Variants in GRSF1 observed in about 807,000 individuals in gnomAD.
The protein encoded by GRSF1 is G-rich sequence factor 1.
GRSF1 carries 50 observed loss-of-function variants against 51.1 expected under a neutral mutation model. The observed-to-expected ratio is 0.98, with a 90% CI of 0.78 to 1.24. The LOEUF is 1.24. Among genes scored for constraint, GRSF1 ranks in the 50% most tolerant of loss-of-function variants. The pLI is 0.00. For synonymous variants in GRSF1, 293 were observed against 253.3 expected (o/e 1.16, Z -1.49); for missense variants, 700 against 639.7 (o/e 1.09, Z -1.02).
rs549606287 is a variant in GRSF1, at chr4:70,839,521, G to A, written c.307C>T (p.Pro103Ser). Residue 103 changes from proline to serine, a missense_variant, in exon 1 of 10, where the codon CCG (proline) becomes TCG (serine). Physicochemically the swap from Pro to Ser is moderately conservative, Grantham distance 74. Coordinates refer to ENST00000254799, the MANE Select transcript of GRSF1 (RefSeq NM_002092.4). ...SYSALRASLL[P>S]QSLAAAAAVP... ...GCGGCCGCCGCCGCCAGCGACTGCG[G>A]CAGCAGAGAGGCACGGAGGGCAGAG... The A allele has an allele frequency of 5.9e-5, 85 of 1,443,822 alleles. No homozygotes were observed. The African/African-American group carries it at 1.2e-3, about 20-fold the overall frequency. The allele number at this position is 1,443,822 out of a possible 1,614,324, so 89.4% of individuals were successfully genotyped here.
chr4:70,841,086 A>G (rs1281897930), upstream of GRSF1, among the ~76,000 whole-genome samples: 1 of 152,108 alleles, frequency 6.6e-6, no homozygotes, highest in Non-Finnish European at 1.5e-5. Flanking sequence ...ACTGGAGCCC[A>G]AGAGTTCCAG....
upstream of GRSF1, among the ~76,000 whole-genome samples, chr4:70,841,135 AAAATAAAT>A (rs1734446785): frequency 6.6e-6 from 1 of 152,088 alleles, no homozygotes; most frequent in Non-Finnish European, 1.5e-5. Flanking sequence ...GTCTATACAA[AAAATAAAT>A]AAAGCTGGGT....
chr4:70,824,603 G>A (rs573696907), intron 8 of GRSF1, among the ~76,000 whole-genome samples: 74 of 152,220 alleles, frequency 4.9e-4, no homozygotes, highest in African/African-American at 1.5e-3. Context: ...GGCCAATGTA[G>A]CGAAACCCCA....
At chr4:70,825,264 A>G in intron 8 of GRSF1, 32 bp downstream of exon 8, 1 of 1,548,842 alleles carries the variant, frequency 6.5e-7, no homozygotes, top group Non-Finnish European at 8.8e-7. Flanking sequence ...CAAGCATCAA[A>G]AATGACAACA....
Position 70,839,861 on chromosome 4 carries a change from C to T in GRSF1, c.-34G>A, listed in dbSNP as rs764947828. 13 of 1,452,146 alleles carry T rather than the reference C, an allele frequency of 9.0e-6. No homozygotes were observed. The highest frequency in any genetic ancestry group is 1.2e-5 in the Non-Finnish European group (13 of 1,111,280). The allele number at this position is 1,452,146 out of a possible 1,614,324, so 90.0% of individuals were successfully genotyped here. On this transcript the variant is annotated 5_prime_UTR_variant, in exon 1 of 10. Transcript: ENST00000254799. ...GAGGCGGCGCAGGGCCTGAAGGCAGCTGCTCCAGCAGCGATGGTGGAACGG... is the reference window on the plus strand; with the variant it reads ...GAGGCGGCGCAGGGCCTGAAGGCAGTTGCTCCAGCAGCGATGGTGGAACGG...
chr4:70,826,280 A>G, intron 6 of GRSF1, 35 bp from the exon 7 acceptor site: 1 of 1,563,200 alleles, frequency 6.4e-7, no homozygotes, highest in Non-Finnish European at 8.7e-7. Flanking sequence ...GTTAAAACAT[A>G]ACAGCTTCAA....
In GRSF1 at chr4:70,839,201, C is replaced by T. The variant is rs781684212; in HGVS notation, c.357+270G>A. 6.4e-6 allele frequency: 9 copies of T among 1,412,416 alleles called. No homozygotes were observed. In the South Asian group the frequency reaches 1.1e-4, roughly 17 times the overall value. 87.5% of individuals were successfully genotyped at this position (1,412,416 alleles called of 1,614,324 possible). A position where few individuals can be genotyped will look rare whatever the true frequency, so the allele number is the denominator to read the frequency against. On this transcript the variant is annotated intron_variant, in intron 1 of 9. Coordinates refer to ENST00000254799, the MANE Select transcript of GRSF1 (RefSeq NM_002092.4). ...CCATGGGCCAGGCGGGGAACAAGGC[C>T]TCAACATTCACCCCAGCCACACTTA...
chr4:70,832,580 T>C (rs1734027753), intron 3 of GRSF1, 130 bp from the exon 4 acceptor site: 2 of 592,180 alleles, frequency 3.4e-6, no homozygotes, highest in Admixed American at 3.0e-5. Context: ...TGCGCTTCTC[T>C]AGAGAAAATA....
chr4:70,833,206 AC>A lies in GRSF1; in HGVS notation c.581del (p.Gly194ValfsTer4). ...CTGACTCCATTTCAATTAAGGCATC[AC>A]CCCTTCGTTTCCCATCTCTGTTTAG... ...FLLNRDGKRR[G>X]DALIEMESEQ... On this transcript the variant is annotated frameshift_variant, in exon 3 of 10. Transcript: ENST00000254799. LOFTEE classifies it high-confidence loss of function. 6 of 1,613,738 alleles carry A rather than the reference AC, an allele frequency of 3.7e-6. No individual in the cohort carries two copies. The highest frequency in any genetic ancestry group is 5.1e-6 in the Non-Finnish European group (6 of 1,179,692).
At chr4:70,828,539 A>AC (rs1733823974) in intron 5 of GRSF1, among the ~76,000 whole-genome samples, 1 of 25,410 alleles carries the variant, frequency 3.9e-5, no homozygotes, top group Non-Finnish European at 4.4e-4. Flanking sequence ...CTATCACAGG[A>AC]GGGGACTATC....
chr4:70,831,739 T>C (rs539965805), intron 4 of GRSF1, 65 bp from the exon 5 acceptor site: 1 of 1,364,512 alleles, frequency 7.3e-7, no homozygotes, highest in African/African-American at 1.5e-5. Context: ...AACACCATCA[T>C]TCACATACTA....
At chr4:70,830,953 A>G (rs914066505) in intron 5 of GRSF1, among the ~76,000 whole-genome samples, 12 of 152,342 alleles carry the variant, frequency 7.9e-5, no homozygotes, top group African/African-American at 2.9e-4. Context: ...TAAAAGATGC[A>G]TACTAAAAAA....
Position 70,839,504 on chromosome 4 carries a change from C to CGCCGCCAGCGACTGCG in GRSF1, c.308_323dup (p.Ala110ValfsTer30). The stretch of plus-strand genomic sequence containing the variant: ...AGCTGCGCGTCGGGACGGCGGCCGC[C>CGCCGCCAGCGACTGCG]GCCGCCAGCGACTGCGGCAGCAGAG... On this transcript the variant is annotated frameshift_variant, in exon 1 of 10. Coordinates refer to ENST00000254799, the MANE Select transcript of GRSF1 (RefSeq NM_002092.4). LOFTEE classifies it high-confidence loss of function. 1 of 1,423,796 alleles carries CGCCGCCAGCGACTGCG rather than the reference C, an allele frequency of 7.0e-7. No individual in the cohort carries two copies. The highest frequency in any genetic ancestry group is 9.1e-7 in the Non-Finnish European group (1 of 1,097,296). 88.2% of individuals were successfully genotyped at this position (1,423,796 alleles called of 1,614,324 possible).
chr4:70,831,772 C>T, intron 4 of GRSF1, 98 bp from the exon 5 acceptor site: 1 of 1,131,804 alleles, frequency 8.8e-7, no homozygotes, highest in East Asian at 2.5e-5. Flanking sequence ...TTCTGTTTTG[C>T]CAGTCCCAAA....
intron 1 of GRSF1, chr4:70,838,929 C>G: frequency 2.9e-6 from 1 of 342,800 alleles, no homozygotes; most frequent in Admixed American, 4.0e-5. Context: ...TCGTCTTTCC[C>G]TGGGGACAGG....
chr4:70,833,841 T>A (rs1734085524), intron 2 of GRSF1, among the ~76,000 whole-genome samples: 1 of 152,076 alleles, frequency 6.6e-6, no homozygotes, highest in Admixed American at 6.6e-5. Context: ...TCATACTGCA[T>A]ACTTTTTATA....
intron 5 of GRSF1, among the ~76,000 whole-genome samples, chr4:70,829,178 A>G (rs1733859832): frequency 6.6e-6 from 1 of 152,172 alleles, no homozygotes; most frequent in Non-Finnish European, 1.5e-5. Context: ...GGCATGGGCC[A>G]CCGCGCCCAG....
intron 6 of GRSF1, 85 bp downstream of exon 6, chr4:70,827,767 G>T (rs929267275): frequency 2.9e-5 from 27 of 929,114 alleles, no homozygotes; most frequent in Admixed American, 2.1e-4. Context: ...AACAGAGCGA[G>T]ACTTCATCTC....
At chr4:70,830,666 A>G (rs756978419) in intron 5 of GRSF1, among the ~76,000 whole-genome samples, 1 of 151,982 alleles carries the variant, frequency 6.6e-6, no homozygotes, top group Non-Finnish European at 1.5e-5. Context: ...TAAAAATACA[A>G]AACTTAGCTG....
Sources: gnomAD v4.1 joint callset for allele counts (sites outside exome capture counted in the v4.1 genomes callset) on GRCh38, gnomAD v4.1.1 for gene constraint, MANE v1.5 for transcripts, NCBI Gene and HGNC (gene_info 2026-07-23, HGNC 2026-07-21) for gene names.